MED13: variants seen among roughly 807,000 people sequenced by gnomAD.
The protein encoded by MED13 is mediator complex subunit 13.
In MED13, 23 loss-of-function variants were observed where a neutral mutation model predicts 225.2. The observed-to-expected ratio is 0.10, with a 90% CI of 0.07 to 0.14. MED13 has a LOEUF of 0.14. Ranked by LOEUF, MED13 falls within the 10% of genes least tolerant of loss-of-function variation. The probability of loss-of-function intolerance (pLI) is 1.00; values close to 1 mark genes in which losing one functional copy is unlikely to be tolerated. For missense variants in MED13, 2,197 were observed against 2,594.5 expected (o/e 0.85, Z 3.33); for synonymous variants, 942 against 889.2 (o/e 1.06, Z -1.06).
In MED13 at chr17:62,063,294, A is replaced by G. The variant is rs2081056020; in HGVS notation, c.74T>C (p.Leu25Ser). ...ATATTTTTTCCACTTAATTCCTGTC[A>G]AGTCAGCCTGAAGGAAAGAAAGCAT... is the stretch of plus-strand genomic sequence containing the variant. Reference protein sequence around the residue: ...CHCNLFCLADLTGIKWKKYVW... With the variant: ...CHCNLFCLADSTGIKWKKYVW... Residue 25 changes from leucine to serine, a missense_variant, in exon 2 of 30, where the codon TTG (leucine) becomes TCG (serine). This residue lies in a region of MED13 where 884 missense variants were observed against 918.5 expected (regional missense o/e 0.96). Coordinates refer to ENST00000397786, the MANE Select transcript of MED13 (RefSeq NM_005121.3). 6.2e-7 allele frequency: 1 copy of G among 1,608,582 alleles called. No homozygotes were observed. Among genetic ancestry groups the G allele is most frequent in the African/African-American group, 1.3e-5 (1 of 74,682 alleles).
intron 16 of MED13, among the ~76,000 whole-genome samples, chr17:61,981,297 C>T: frequency 6.6e-6 from 1 of 152,166 alleles, no homozygotes; most frequent in Admixed American, 6.5e-5. Flanking sequence ...GCTGGGATTA[C>T]AGGCATGAGC....
At chr17:62,015,936 ATATATATATATATATATATTTTTTTTT>A (rs1475951871) in intron 8 of MED13, among the ~76,000 whole-genome samples, 1 of 8,838 alleles carries the variant, frequency 1.1e-4, no homozygotes, top group African/African-American at 2.7e-4. Flanking sequence ...ATATATATAT[ATATATATATATATATATATTTTTTTTT>A]TTTTTTTTTT....
At chr17:62,061,443 T>TA (rs965378085) in intron 2 of MED13, among the ~76,000 whole-genome samples, 1 of 152,200 alleles carries the variant, frequency 6.6e-6, no homozygotes, top group South Asian at 2.1e-4. Context: ...CATGGAATCT[T>TA]AAAAAAAGAT....
intron 16 of MED13, among the ~76,000 whole-genome samples, chr17:61,980,899 T>C (rs553986475): frequency 3.3e-5 from 5 of 151,736 alleles, no homozygotes; most frequent in Admixed American, 3.3e-4. Context: ...CGCCCCACCA[T>C]GCTGGCTAAT....
At chr17:62,019,276 G>C (rs1206513844) in intron 8 of MED13, among the ~76,000 whole-genome samples, 3 of 152,070 alleles carry the variant, frequency 2.0e-5, no homozygotes, top group Non-Finnish European at 4.4e-5. Context: ...CACTCAATTA[G>C]CTTTTTGGCT....
rs148372107 is a variant in MED13, at chr17:62,050,871, G to A, written c.470+1666C>T. Reference sequence around the variant, plus strand: ...ATACACAAAATTAGCCAGGTGTGGTGGCACACGCCTATAATCCCAGCTACT... The same window carrying A: ...ATACACAAAATTAGCCAGGTGTGGTAGCACACGCCTATAATCCCAGCTACT... On this transcript the variant is annotated intron_variant, in intron 3 of 29. Coordinates refer to ENST00000397786, the MANE Select transcript of MED13 (RefSeq NM_005121.3). 6.5e-3 allele frequency among the ~76,000 whole-genome samples: 997 copies of A among 152,216 alleles called. 6 individuals are homozygous for A. The highest frequency in any genetic ancestry group is 0.011 in the Non-Finnish European group (720 of 68,014).
intron 20 of MED13, among the ~76,000 whole-genome samples, chr17:61,963,563 C>T (rs1000350732): frequency 1.8e-4 from 27 of 152,262 alleles, no homozygotes; most frequent in African/African-American, 6.3e-4. Flanking sequence ...GCCTTAGCCT[C>T]TCAAAGTGCT....
chr17:62,008,683 C>T (rs1188485276), intron 9 of MED13, among the ~76,000 whole-genome samples: 1 of 151,892 alleles, frequency 6.6e-6, no homozygotes, highest in South Asian at 2.1e-4. Flanking sequence ...CTCTTCCCCC[C>T]GCCGCCCCCT....
intron 10 of MED13, among the ~76,000 whole-genome samples, chr17:61,994,416 A>G (rs546250051): frequency 6.6e-6 from 1 of 152,318 alleles, no homozygotes; most frequent in South Asian, 2.1e-4. Flanking sequence ...CTTGCACTTC[A>G]TTTTTACTTC....
chr17:61,949,757 G>A (rs934233456), intron 28 of MED13, among the ~76,000 whole-genome samples: 7 of 151,918 alleles, frequency 4.6e-5, no homozygotes, highest in African/African-American at 1.5e-4. Context: ...GCGCGATCTC[G>A]GCTCACTGCA....
At position 62,065,124 on chromosome 17, in the gene MED13, C is replaced by A; in HGVS notation, c.66+16G>T. The A allele has an allele frequency of 6.5e-7, 1 of 1,541,234 alleles. No homozygotes were observed. Among genetic ancestry groups the A allele is most frequent in the African/African-American group, 1.4e-5 (1 of 70,462 alleles). ...GCGGCCCCCCTCCCTCGGCGCCCGC[C>A]GGCCCCGGCACTCACCAGGCAGAAG... On this transcript the variant is annotated intron_variant, in intron 1 of 29. Transcript: ENST00000397786.
At chr17:62,020,942 T>A (rs894785800) in intron 8 of MED13, among the ~76,000 whole-genome samples, 2 of 150,944 alleles carry the variant, frequency 1.3e-5, no homozygotes, top group Non-Finnish European at 3.0e-5. Context: ...CATCTTGCAC[T>A]GCCCTTAATC....
At chr17:62,015,944 A>ATATATATT (rs2080570699) in intron 8 of MED13, among the ~76,000 whole-genome samples, 1 of 12,732 alleles carries the variant, frequency 7.9e-5, no homozygotes, top group Non-Finnish European at 1.5e-4. Context: ...ATATATATAT[A>ATATATATT]TATATATATA....
rs183959639 is a variant in MED13, at chr17:61,946,864, T to C, written c.6392+53A>G. On this transcript the variant is annotated intron_variant, in intron 29 of 29. Transcript: ENST00000397786. ...TGAGAAAAATATATAAGAATCAACA[T>C]TATATTCTTTTAAAGTTGCAGTGAC... The C allele has an allele frequency of 1.3e-4, 186 of 1,451,212 alleles. 1 individual carries two copies. The Admixed American group carries it at 3.1e-3, about 24-fold the overall frequency. 89.9% of individuals were successfully genotyped at this position (1,451,212 alleles called of 1,614,324 possible). A position where few individuals can be genotyped will look rare whatever the true frequency, so the allele number is the denominator to read the frequency against.
chr17:61,968,643 C>A (rs1422902340), intron 17 of MED13, among the ~76,000 whole-genome samples: 1 of 151,722 alleles, frequency 6.6e-6, no homozygotes, highest in African/African-American at 2.4e-5. Context: ...ATTTAAATGT[C>A]AAAAGTTAAT....
intron 5 of MED13, among the ~76,000 whole-genome samples, chr17:62,033,523 C>T (rs2080775965): frequency 6.6e-6 from 1 of 152,194 alleles, no homozygotes; most frequent in Non-Finnish European, 1.5e-5. Context: ...TGGTTAGGTT[C>T]AGTCCCTATT....
chr17:61,995,457 T>C, intron 9 of MED13, 92 bp from the exon 10 acceptor site: 1 of 803,520 alleles, frequency 1.2e-6, no homozygotes, highest in Admixed American at 3.3e-5. Context: ...TTAGAATTAC[T>C]TAAAGATTAT....
rs2079849068 is a variant in MED13 at position 61,945,997 on chromosome 17, A to C, written c.*471T>G. On this transcript the variant is annotated 3_prime_UTR_variant, in exon 30 of 30. Transcript: ENST00000397786. ...TAAAAGAGGTTAAGAAATATAAGAC[A>C]ATTTATACATTTAAAAACTTACAAT... The C allele has an allele frequency of 6.5e-6, 1 of 152,762 alleles. No individual in the cohort carries two copies. 9.5% of individuals were successfully genotyped at this position (152,762 alleles called of 1,614,324 possible). A position where few individuals can be genotyped will look rare whatever the true frequency, so the allele number is the denominator to read the frequency against.
rs2080337365 is a variant in MED13, at chr17:61,995,245, A to G, written c.2088T>C (p.Asp696=). The G allele has an allele frequency of 6.2e-7, 1 of 1,613,666 alleles. No individual in the cohort carries two copies. The highest frequency in any genetic ancestry group is 8.5e-7 in the Non-Finnish European group (1 of 1,179,876). Residue 696 remains aspartate, a synonymous_variant, in exon 10 of 30, where the codon GAT becomes GAC. Transcript: ENST00000397786. The part of the protein sequence containing the change: ...ASDAEQEPKI[D]PYAFVEGDEE... ...CATCTCCTTCAACAAATGCATATGG[A>G]TCAATTTTAGGTTCTTGTTCTGCAT...
Sources: allele counts gnomAD v4.1 joint callset (sites outside exome capture counted in the v4.1 genomes callset), GRCh38; gene constraint gnomAD v4.1.1; regional missense constraint gnomAD v4.1.1; transcripts MANE v1.5; gene names NCBI Gene and HGNC (gene_info 2026-07-23, HGNC 2026-07-21).